Variants in UBP1 observed in about 807,000 individuals in gnomAD.
UBP1 encodes the protein upstream binding protein 1, also known as upstream-binding protein 1.
In UBP1, 22 loss-of-function variants were observed where a neutral mutation model predicts 76.1. That is an observed-to-expected ratio of 0.29 (90% confidence interval 0.21 to 0.41). The LOEUF (loss-of-function observed/expected upper bound fraction) is 0.41, where lower values mean the gene tolerates loss of function less well. UBP1 is among the 10% of genes least tolerant of loss of function. The pLI is 1.00. For missense variants in UBP1, 436 were observed against 668.1 expected, an observed-to-expected ratio of 0.65 and a Z score of 3.83; for synonymous variants, 224 against 237.1, an observed-to-expected ratio of 0.94 and a Z score of 0.51.
chr3:33,396,864 A>T, intron 12 of UBP1, 181 bp downstream of exon 12: 1 of 696,902 alleles, frequency 1.4e-6, no homozygotes, highest in Non-Finnish European at 2.6e-6. Context: ...TGCCTGCATC[A>T]TATCTGGGCC....
chr3:33,418,860 C>CAAAA (rs59774815), intron 2 of UBP1, among the ~76,000 whole-genome samples: 1 of 76,750 alleles, frequency 1.3e-5, no homozygotes, highest in Non-Finnish European at 2.5e-5. Flanking sequence ...ACTCTGTCTC[C>CAAAA]AAAAAAAAAA....
chr3:33,433,294 C>T (rs1575492474), intron 1 of UBP1, among the ~76,000 whole-genome samples: 2 of 146,996 alleles, frequency 1.4e-5, no homozygotes, highest in East Asian at 4.1e-4. Context: ...CTCCTGACCT[C>T]AAGAGATCCA....
At chr3:33,417,629 G>C (rs2044763317) in intron 2 of UBP1, among the ~76,000 whole-genome samples, 1 of 152,054 alleles carries the variant, frequency 6.6e-6, no homozygotes, top group African/African-American at 2.4e-5. Context: ...CATCAATCTA[G>C]ATAATTAGGA....
intron 3 of UBP1, among the ~76,000 whole-genome samples, chr3:33,415,810 T>C (rs892921622): frequency 6.6e-6 from 1 of 151,922 alleles, no homozygotes; most frequent in African/African-American, 2.4e-5. Context: ...AGAAAGCACA[T>C]TGCTGAATAT....
chr3:33,418,159 T>C lies in UBP1; in HGVS notation c.266-1325A>G, dbSNP rs560551293. On this transcript the variant is annotated intron_variant, in intron 2 of 15. Transcript: ENST00000283629. ...AAAGTTTTGAAAAATACACCATTTA[T>C]GTTTAAAATTACACTCAACCTCACA... Among the ~76,000 whole-genome samples the C allele has an allele frequency of 5.3e-5, 8 of 152,356 alleles. No individual in the cohort carries two copies. In the East Asian group the frequency reaches 1.5e-3, roughly 29 times the overall value.
At chr3:33,438,536 C>A (rs911311663) in intron 1 of UBP1, among the ~76,000 whole-genome samples, 5 of 152,204 alleles carry the variant, frequency 3.3e-5, no homozygotes, top group African/African-American at 9.7e-5. Context: ...GCCAACTCAT[C>A]TACAGGCCTT....
intron 3 of UBP1, among the ~76,000 whole-genome samples, chr3:33,413,491 G>A (rs1313304988): frequency 4.8e-5 from 7 of 145,982 alleles, no homozygotes; most frequent in African/African-American, 1.8e-4. Context: ...AGCTTGCAGT[G>A]AGCCAAGTTC....
At chr3:33,402,577 C>T (rs981577630) in intron 9 of UBP1, among the ~76,000 whole-genome samples, 1 of 152,070 alleles carries the variant, frequency 6.6e-6, no homozygotes, top group African/African-American at 2.4e-5. Flanking sequence ...TCTACAATTA[C>T]CATAGTTGTG....
At chr3:33,398,925 T>C (rs1432256548) in intron 11 of UBP1, among the ~76,000 whole-genome samples, 1 of 152,168 alleles carries the variant, frequency 6.6e-6, no homozygotes, top group African/African-American at 2.4e-5. Flanking sequence ...CTTAATCATA[T>C]AAAAATGTAG....
At position 33,390,085 on chromosome 3, in the gene UBP1, G is replaced by A; in HGVS notation, c.*246C>T. The A allele has an allele frequency of 2.1e-6, 1 of 466,760 alleles. No individual in the cohort carries two copies. The highest frequency in any genetic ancestry group is 3.2e-5 in the East Asian group (1 of 31,414). The allele number at this position is 466,760 out of a possible 1,614,324, so 28.9% of individuals were successfully genotyped here. A position where few individuals can be genotyped will look rare whatever the true frequency, so the allele number is the denominator to read the frequency against. ...GCCAGAGCAGCAGGCAGCTATGCCT[G>A]CACCGTGGCCTCCAGAGCTGGATGC... On this transcript the variant is annotated 3_prime_UTR_variant, in exon 16 of 16. Coordinates refer to ENST00000283629, the MANE Select transcript of UBP1 (RefSeq NM_014517.5).
chr3:33,402,004 C>T (rs1313415648), intron 9 of UBP1, among the ~76,000 whole-genome samples: 2 of 125,130 alleles, frequency 1.6e-5, no homozygotes, highest in Non-Finnish European at 4.1e-5. Context: ...TATCCATCTC[C>T]TCAGGGGGAG....
intron 13 of UBP1, among the ~76,000 whole-genome samples, 193 bp from the exon 14 acceptor site, chr3:33,393,647 G>C (rs1269720140): frequency 1.3e-5 from 2 of 152,024 alleles, no homozygotes; most frequent in African/African-American, 2.4e-5. Flanking sequence ...AATCTAAAAC[G>C]TAAGAATACA....
chr3:33,426,087 T>TA (rs1189866501), intron 1 of UBP1, among the ~76,000 whole-genome samples: 7 of 139,914 alleles, frequency 5.0e-5, no homozygotes, highest in Non-Finnish European at 9.3e-5. Context: ...ATTCTTTCTA[T>TA]AAAAAAAAAG....
rs1251243620 is a variant in UBP1 at position 33,405,281 on chromosome 3, G to A, written c.928-2377C>T. Among the ~76,000 whole-genome samples the A allele has an allele frequency of 3.9e-5, 6 of 152,130 alleles. No individual in the cohort carries two copies. The East Asian group carries it at 1.2e-3, about 29-fold the overall frequency. On this transcript the variant is annotated intron_variant, in intron 8 of 15. Transcript: ENST00000283629. ...ATACAAACATGAGACCAAGAAGGAA[G>A]AACAGAGTAAAATCTTGGATTTAAT...
At chr3:33,441,289 A>T (rs2045298277), upstream of UBP1, 1 of 152,300 alleles carries the variant, frequency 6.6e-6, no homozygotes, top group South Asian at 2.1e-4. Context: ...TGCGGATCAG[A>T]GTTCCTTAGG....
intron 8 of UBP1, among the ~76,000 whole-genome samples, chr3:33,404,809 A>C (rs1157002756): frequency 6.6e-6 from 1 of 152,208 alleles, no homozygotes; most frequent in East Asian, 1.9e-4. Flanking sequence ...TGTCCCTGGG[A>C]TTTTTGACAG....
chr3:33,419,819 T>C (rs1327133788), intron 2 of UBP1, among the ~76,000 whole-genome samples: 1 of 152,176 alleles, frequency 6.6e-6, no homozygotes, highest in Non-Finnish European at 1.5e-5. Flanking sequence ...GAAACAACAG[T>C]CTAGGTTGTA....
At chr3:33,402,535 T>C (rs2044267047) in intron 9 of UBP1, among the ~76,000 whole-genome samples, 1 of 152,298 alleles carries the variant, frequency 6.6e-6, no homozygotes, top group African/African-American at 2.4e-5. Flanking sequence ...ACAAAGAATA[T>C]ATCTTGGCTA....
intron 5 of UBP1, among the ~76,000 whole-genome samples, chr3:33,410,382 G>A (rs1297823239): frequency 6.6e-6 from 1 of 151,864 alleles, no homozygotes; most frequent in African/African-American, 2.4e-5. Flanking sequence ...GCCAGGTCTT[G>A]TATCACTTTG....
Sources: gnomAD v4.1 joint callset for allele counts (sites outside exome capture counted in the v4.1 genomes callset) on GRCh38, gnomAD v4.1.1 for gene constraint, MANE v1.5 for transcripts, NCBI Gene and HGNC (gene_info 2026-07-23, HGNC 2026-07-21) for gene names.